CDC73: variants seen among roughly 807,000 people sequenced by gnomAD.
CDC73 encodes cell division cycle 73.
CDC73 carries 21 observed loss-of-function variants against 83.7 expected under a neutral mutation model. The observed-to-expected ratio is 0.25, with a 90% CI of 0.18 to 0.36. The LOEUF is 0.36. Among genes scored for constraint, CDC73 ranks in the 10% least tolerant of loss-of-function variants. The probability of loss-of-function intolerance (pLI) is 1.00; values close to 1 mark genes in which losing one functional copy is unlikely to be tolerated. For synonymous variants in CDC73, 224 were observed against 212.9 expected (o/e 1.05, Z -0.45); for missense variants, 342 against 653.3 (o/e 0.52, Z 5.19).
Position 193,212,251 on chromosome 1 carries a change from A to AT in CDC73, c.1067-133dup. 5 of 836,170 alleles carry AT rather than the reference A, an allele frequency of 6.0e-6. No homozygotes were observed. The South Asian group carries it at 8.7e-5, about 15-fold the overall frequency. 51.8% of individuals were successfully genotyped at this position (836,170 alleles called of 1,614,324 possible). The stretch of plus-strand genomic sequence containing the variant: ...GCCCAAGCCACACTGATTATTAAAT[A>AT]TTTTTTAATATCCACTGGCTTAAAA... On this transcript the variant is annotated intron_variant, in intron 12 of 16. Coordinates refer to ENST00000367435, the MANE Select transcript of CDC73 (RefSeq NM_024529.5).
chr1:193,157,777 C>A (rs1322409033), intron 10 of CDC73, among the ~76,000 whole-genome samples: 1 of 152,180 alleles, frequency 6.6e-6, no homozygotes, highest in African/African-American at 2.4e-5. Context: ...GTTGGAAATA[C>A]AACAAATATA....
At chr1:193,148,009 C>A in intron 8 of CDC73, 44 bp downstream of exon 8, 1 of 1,247,794 alleles carries the variant, frequency 8.0e-7, no homozygotes, top group Non-Finnish European at 1.2e-6. Flanking sequence ...ATGAAGTTGC[C>A]ACTTATATTG....
intron 10 of CDC73, among the ~76,000 whole-genome samples, chr1:193,163,549 C>T (rs895757469): frequency 6.6e-6 from 1 of 151,836 alleles, no homozygotes; most frequent in Non-Finnish European, 1.5e-5. Context: ...ACTTCAAGAA[C>T]GTAACTATTT....
At chr1:193,194,631 C>T (rs534419712) in intron 10 of CDC73, among the ~76,000 whole-genome samples, 5 of 152,166 alleles carry the variant, frequency 3.3e-5, no homozygotes, top group East Asian at 1.9e-4. Flanking sequence ...TCATTATAGA[C>T]TTTGATATTA....
Position 193,122,075 on chromosome 1 carries a change from C to A in CDC73, c.-126C>A. 1.2e-6 allele frequency: 1 copy of A among 868,314 alleles called. No homozygotes were observed. Among genetic ancestry groups the A allele is most frequent in the Non-Finnish European group, 1.9e-6 (1 of 533,606 alleles). 53.8% of individuals were successfully genotyped at this position (868,314 alleles called of 1,614,324 possible). A position where few individuals can be genotyped will look rare whatever the true frequency, so the allele number is the denominator to read the frequency against. On this transcript the variant is annotated 5_prime_UTR_variant, in exon 1 of 17. It adds an upstream start codon to the 5' untranslated region. Coordinates refer to ENST00000367435, the MANE Select transcript of CDC73 (RefSeq NM_024529.5). ...TCGTAGGCGAGGACGGCTGTTAGTG[C>A]TGCTGCTGTTGGTTCGTCGCGGCGG...
rs145971830 is a variant in CDC73, at chr1:193,251,402, A to G, written c.*690A>G. 4.3e-6 allele frequency: 1 copy of G among 232,100 alleles called. No individual in the cohort carries two copies. Among genetic ancestry groups the G allele is most frequent in the African/African-American group, 2.2e-5 (1 of 45,400 alleles). 14.4% of individuals were successfully genotyped at this position (232,100 alleles called of 1,614,324 possible). On this transcript the variant is annotated 3_prime_UTR_variant, in exon 17 of 17. Coordinates refer to ENST00000367435, the MANE Select transcript of CDC73 (RefSeq NM_024529.5). ...TGTAATATCTTTCCATTTGAAAAAA[A>G]TCTCAAAACACAGATTAAAACCACA... is the stretch of plus-strand genomic sequence containing the variant.
chr1:193,220,184 T>TTG (rs1677442595), intron 13 of CDC73, among the ~76,000 whole-genome samples: 1 of 146,604 alleles, frequency 6.8e-6, no homozygotes, highest in Non-Finnish European at 1.5e-5. Flanking sequence ...TTTTTTTTTT[T>TTG]GAGACGGAGT....
At chr1:193,166,718 C>T (rs1676441110) in intron 10 of CDC73, among the ~76,000 whole-genome samples, 1 of 150,028 alleles carries the variant, frequency 6.7e-6, no homozygotes, top group Non-Finnish European at 1.5e-5. Flanking sequence ...GCTATCTTGG[C>T]TCACCACAAC....
At chr1:193,191,096 A>G (rs1296615530) in intron 10 of CDC73, among the ~76,000 whole-genome samples, 1 of 152,210 alleles carries the variant, frequency 6.6e-6, no homozygotes, top group Non-Finnish European at 1.5e-5. Context: ...TGGAACATAA[A>G]GTATATTTTG....
chr1:193,224,689 CA>C (rs1184481420), intron 13 of CDC73, among the ~76,000 whole-genome samples: 1 of 152,016 alleles, frequency 6.6e-6, no homozygotes, highest in African/African-American at 2.4e-5. Context: ...CATATATGTA[CA>C]TATATGAGTA....
intron 10 of CDC73, chr1:193,186,231 A>G (rs1425670066): frequency 6.6e-6 from 1 of 152,500 alleles, no homozygotes; most frequent in East Asian, 1.9e-4. Context: ...GTCTTCTGAA[A>G]TTTTCCCTTT....
intron 10 of CDC73, among the ~76,000 whole-genome samples, chr1:193,202,737 T>C (rs1677114229): frequency 6.6e-6 from 1 of 151,842 alleles, no homozygotes; most frequent in Non-Finnish European, 1.5e-5. Context: ...ACCACTGTAT[T>C]GAAGTGAAAG....
At chr1:193,147,988 C>T (rs1676031744) in intron 8 of CDC73, 23 bp downstream of exon 8, 1 of 1,505,766 alleles carries the variant, frequency 6.6e-7, no homozygotes, top group East Asian at 2.3e-5. Flanking sequence ...TACTGCTTTA[C>T]AGTAGATTTA....
At chr1:193,169,711 G>C (rs1458924210) in intron 10 of CDC73, among the ~76,000 whole-genome samples, 2 of 152,178 alleles carry the variant, frequency 1.3e-5, no homozygotes, top group African/African-American at 4.8e-5. Flanking sequence ...AAGAGGCAAT[G>C]CTGTAAGATG....
Position 193,130,281 on chromosome 1 carries a change from C to T in CDC73, c.307+38C>T, listed in dbSNP as rs536341972. On this transcript the variant is annotated intron_variant, in intron 3 of 16. Transcript: ENST00000367435. ...TAAATTGTTCCCAGTCTTAAACAGA[C>T]ATTGTTTCTTTTTTCCCCTATGAAA... 4.1e-6 allele frequency: 5 copies of T among 1,211,802 alleles called. No homozygotes were observed. In the African/African-American group the frequency reaches 4.5e-5, roughly 11 times the overall value. The allele number at this position is 1,211,802 out of a possible 1,614,324, so 75.1% of individuals were successfully genotyped here.
intron 10 of CDC73, among the ~76,000 whole-genome samples, chr1:193,163,780 G>C (rs1676384864): frequency 6.6e-6 from 1 of 151,932 alleles, no homozygotes; most frequent in African/African-American, 2.4e-5. Flanking sequence ...TAGTATAGTA[G>C]ATTTTTTTGT....
chr1:193,196,682 C>T (rs530497030), intron 10 of CDC73, among the ~76,000 whole-genome samples: 1 of 152,154 alleles, frequency 6.6e-6, no homozygotes, highest in African/African-American at 2.4e-5. Flanking sequence ...TAAGTTTATT[C>T]CTAAGTATTT....
At chr1:193,153,864 C>G (rs1410713441) in intron 10 of CDC73, among the ~76,000 whole-genome samples, 2 of 152,100 alleles carry the variant, frequency 1.3e-5, no homozygotes, top group Non-Finnish European at 2.9e-5. Flanking sequence ...ATACTTCTCT[C>G]AGGAGGTAAC....
In CDC73 at chr1:193,158,061, A is replaced by G. The variant is rs188207427; in HGVS notation, c.972+5617A>G. Among the ~76,000 whole-genome samples, 78 of 151,534 alleles carry G rather than the reference A, an allele frequency of 5.1e-4. 1 individual carries two copies. The highest frequency in any genetic ancestry group is 2.8e-3 in the Admixed American group (42 of 15,208). On this transcript the variant is annotated intron_variant, in intron 10 of 16. Coordinates refer to ENST00000367435, the MANE Select transcript of CDC73 (RefSeq NM_024529.5). ...TGTATGTGTAAATGTAGGCAACTATATAGCTTTATTGTACTTATAATTTAT... is the reference window on the plus strand; with the variant it reads ...TGTATGTGTAAATGTAGGCAACTATGTAGCTTTATTGTACTTATAATTTAT...
Sources: allele counts gnomAD v4.1 joint callset (sites outside exome capture counted in the v4.1 genomes callset), GRCh38; gene constraint gnomAD v4.1.1; transcripts MANE v1.5; gene names NCBI Gene and HGNC (gene_info 2026-07-23, HGNC 2026-07-21).